The following CMBL variants were observed in gnomAD, a reference collection of about 807,000 sequenced individuals.
The protein encoded by CMBL is carboxymethylenebutenolidase homolog (Pseudomonas).
In CMBL, 17 loss-of-function variants were observed where a neutral mutation model predicts 28.7. That is an observed-to-expected ratio of 0.59 (90% CI 0.41 to 0.89). CMBL has a LOEUF of 0.89. CMBL is among the 40% of genes least tolerant of loss of function. The pLI is 0.00. For synonymous variants in CMBL, 106 were observed against 101.6 expected, an observed-to-expected ratio of 1.04 and a Z score of -0.26; for missense variants, 310 against 298.5, an observed-to-expected ratio of 1.04 and a Z score of -0.28.
At position 10,294,741 on chromosome 5, in the gene CMBL, C is replaced by T. The variant is rs73052329; in HGVS notation, c.-19-3960G>A. On this transcript the variant is annotated intron_variant, in intron 1 of 5. Transcript: ENST00000296658. ...AATGGTCAAGTGTGGACAGATTTTA[C>T]GGCAGAGCCACTCAGTTCTGCTGAC... Among the ~76,000 whole-genome samples the T allele has an allele frequency of 5.2e-3, 791 of 152,310 alleles. 7 individuals are homozygous for T. Among genetic ancestry groups the T allele is most frequent in the African/African-American group, 0.016 (668 of 41,584 alleles).
chr5:10,279,261 A>T lies in CMBL; in HGVS notation c.*1192T>A, dbSNP rs916028637. ...GCCCACCGTTCTCTGCTATCTTTTTAAAAAAGCTGCAAATTCAAAAATTCA... is the reference window on the plus strand; with the variant it reads ...GCCCACCGTTCTCTGCTATCTTTTTTAAAAAGCTGCAAATTCAAAAATTCA... On this transcript the variant is annotated 3_prime_UTR_variant, in exon 6 of 6. Coordinates refer to ENST00000296658, the MANE Select transcript of CMBL (RefSeq NM_138809.4). The T allele has an allele frequency of 2.6e-5, 4 of 152,304 alleles. No individual in the cohort carries two copies. Among genetic ancestry groups the T allele is most frequent in the South Asian group, 4.1e-4 (2 of 4,826 alleles). The allele number at this position is 152,304 out of a possible 1,614,324, so 9.4% of individuals were successfully genotyped here.
chr5:10,282,117 G>A (rs1038811503), intron 5 of CMBL, 80 bp downstream of exon 5: 7 of 971,044 alleles, frequency 7.2e-6, no homozygotes, highest in East Asian at 2.5e-5. Flanking sequence ...CCGAGATCGC[G>A]CCACTGCATT....
rs1746694230 is a variant in CMBL, at chr5:10,290,627, T to C, written c.136A>G (p.Ile46Val). Residue 46 changes from isoleucine to valine, a missense_variant, in exon 2 of 6, where the codon ATT becomes GTT. By Grantham distance (29) the Ile-to-Val change is conservative. Coordinates refer to ENST00000296658, the MANE Select transcript of CMBL (RefSeq NM_138809.4). ...KSPVDAGKAV[I>V]VIQDIFGWQL... Reference sequence around the variant, plus strand: ...CAGCCAAATATATCTTGAATGACAATCACAGCTTTGCCTGCATCAACGGGG... The same window carrying C: ...CAGCCAAATATATCTTGAATGACAACCACAGCTTTGCCTGCATCAACGGGG... 2 of 1,614,202 alleles carry C rather than the reference T, an allele frequency of 1.2e-6. No homozygotes were observed. Among genetic ancestry groups the C allele is most frequent in the South Asian group, 1.1e-5 (1 of 91,078 alleles).
intron 1 of CMBL, among the ~76,000 whole-genome samples, chr5:10,300,955 A>G (rs1746888553): frequency 6.6e-6 from 1 of 151,284 alleles, no homozygotes; most frequent in African/African-American, 2.4e-5. Flanking sequence ...CTAAATAACA[A>G]CCAAAAAACA....
chr5:10,292,697 G>C (rs28591487), intron 1 of CMBL, among the ~76,000 whole-genome samples: 8,268 of 151,800 alleles, frequency 0.054, 622 homozygotes, highest in African/African-American at 0.17. Flanking sequence ...GGTGGCAGGC[G>C]CCTGTAGTCC....
At chr5:10,282,833 T>C (rs1253636822) in intron 4 of CMBL, among the ~76,000 whole-genome samples, 5 of 152,110 alleles carry the variant, frequency 3.3e-5, no homozygotes, top group Middle Eastern at 3.4e-3. Context: ...GACTCAAGCC[T>C]GTAATCCCAG....
intron 1 of CMBL, among the ~76,000 whole-genome samples, chr5:10,300,817 TA>T (rs1321854562): frequency 9.5e-5 from 14 of 147,958 alleles, no homozygotes; most frequent in Non-Finnish European, 1.6e-4. Flanking sequence ...TTTATTTATT[TA>T]TTTTTTATAT....
rs1402824588 is a variant in CMBL, at chr5:10,297,005, T to C, written c.-19-6224A>G. ...TTCAAAACCAGCCTGGCCAACATGG[T>C]AAAAACCCGTCTCTACTAAAAATAC... On this transcript the variant is annotated intron_variant, in intron 1 of 5. Transcript: ENST00000296658. Among the ~76,000 whole-genome samples, 3 of 149,044 alleles carry C rather than the reference T, an allele frequency of 2.0e-5. No individual in the cohort carries two copies. The South Asian group carries it at 6.4e-4, about 32-fold the overall frequency.
chr5:10,290,478 T>C, intron 2 of CMBL, 70 bp downstream of exon 2: 1 of 1,392,206 alleles, frequency 7.2e-7, no homozygotes, highest in African/African-American at 1.4e-5. Context: ...GGTTTTATTT[T>C]TTAAAGGGAA....
chr5:10,302,372 T>A (rs1746915237), intron 1 of CMBL, among the ~76,000 whole-genome samples: 1 of 151,444 alleles, frequency 6.6e-6, no homozygotes, highest in Admixed American at 6.6e-5. Flanking sequence ...GGGGCTAGGC[T>A]CAGTGGCTCA....
chr5:10,301,928 T>C (rs1336646195), intron 1 of CMBL, among the ~76,000 whole-genome samples: 1 of 152,198 alleles, frequency 6.6e-6, no homozygotes, highest in Non-Finnish European at 1.5e-5. Context: ...CTAATCTGAA[T>C]GTTTTTACTT....
intron 3 of CMBL, among the ~76,000 whole-genome samples, chr5:10,288,161 G>A (rs952381368): frequency 6.6e-6 from 1 of 152,044 alleles, no homozygotes; most frequent in Non-Finnish European, 1.5e-5. Context: ...CAGCTACTCG[G>A]GAGGCTGAGG....
chr5:10,297,461 T>C (rs140353701), intron 1 of CMBL, among the ~76,000 whole-genome samples: 3,325 of 151,598 alleles, frequency 0.022, 113 homozygotes, highest in African/African-American at 0.077. Flanking sequence ...TCCCAGATAC[T>C]TGGGAGGCTG....
In CMBL at chr5:10,288,459, C is replaced by G; in HGVS notation, c.286G>C (p.Glu96Gln). ...DPSGDWSIFP[E>Q]WLKTRNAQKI... ...TGGGCATTTCTTGTTTTCAGCCACT[C>G]AGGGAAGATAGACCAGTCGCCAGAG... Residue 96 changes from glutamate (E) to glutamine (Q), a missense_variant, in exon 3 of 6, where the codon GAG becomes CAG. Coordinates refer to ENST00000296658, the MANE Select transcript of CMBL (RefSeq NM_138809.4). 1 of 1,614,076 alleles carries G rather than the reference C, an allele frequency of 6.2e-7. No homozygotes were observed. Among genetic ancestry groups the G allele is most frequent in the Non-Finnish European group, 8.5e-7 (1 of 1,179,974 alleles).
intron 1 of CMBL, among the ~76,000 whole-genome samples, chr5:10,291,875 T>C (rs1746726386): frequency 6.6e-6 from 1 of 152,058 alleles, no homozygotes; most frequent in Non-Finnish European, 1.5e-5. Flanking sequence ...GAGCAGCTCA[T>C]CAGGAAAACC....
chr5:10,302,361 A>G (rs1746915073), intron 1 of CMBL, among the ~76,000 whole-genome samples: 1 of 152,022 alleles, frequency 6.6e-6, no homozygotes, highest in South Asian at 2.1e-4. Flanking sequence ...GACAGGAAGG[A>G]GGGGCTAGGC....
At chr5:10,288,598 T>C (rs1746650082) in intron 2 of CMBL, 69 bp from the exon 3 acceptor site, 1 of 1,219,818 alleles carries the variant, frequency 8.2e-7, no homozygotes, top group African/African-American at 1.5e-5. Context: ...CTTGCATTTA[T>C]TTAAAAACTT....
chr5:10,287,197 T>G (rs186781646), intron 3 of CMBL, among the ~76,000 whole-genome samples: 6 of 152,200 alleles, frequency 3.9e-5, no homozygotes, highest in Non-Finnish European at 7.3e-5. Context: ...GCTGCACACG[T>G]ATGTTTATTG....
rs372248081 is a variant in CMBL at position 10,280,324 on chromosome 5, A to G, written c.*129T>C. 2.8e-4 allele frequency: 182 copies of G among 654,512 alleles called. No homozygotes were observed. The African/African-American group carries it at 2.8e-3, about 10-fold the overall frequency. The allele number at this position is 654,512 out of a possible 1,614,324, so 40.5% of individuals were successfully genotyped here. A position where few individuals can be genotyped will look rare whatever the true frequency, so the allele number is the denominator to read the frequency against. On this transcript the variant is annotated 3_prime_UTR_variant, in exon 6 of 6. Transcript: ENST00000296658. ...TACGTCCTACTGAATTTGTGTTTCA[A>G]ATGAAATAATCAATTTTAGGATTCC...
Sources: allele counts gnomAD v4.1 joint callset (sites outside exome capture counted in the v4.1 genomes callset), GRCh38; gene constraint gnomAD v4.1.1; transcripts MANE v1.5; gene names NCBI Gene and HGNC (gene_info 2026-07-23, HGNC 2026-07-21).